The following WSCD1 variants were observed in gnomAD, a reference collection of about 807,000 sequenced individuals.
WSCD1 encodes WSC domain sialate O sulfotransferase 1.
A neutral mutation model predicts 60.4 loss-of-function variants in WSCD1; 41 were observed. That is an observed-to-expected ratio of 0.68 (90% CI 0.53 to 0.88). The LOEUF (loss-of-function observed/expected upper bound fraction) is 0.88, where lower values mean the gene tolerates loss of function less well. Ranked by LOEUF, WSCD1 falls within the 40% of genes least tolerant of loss-of-function variation. WSCD1 has a pLI of 0.00. For synonymous variants in WSCD1, 361 were observed against 332.5 expected, an observed-to-expected ratio of 1.09 and a Z score of -0.93; for missense variants, 784 against 796.2, an observed-to-expected ratio of 0.98 and a Z score of 0.18.
intron 2 of WSCD1, among the ~76,000 whole-genome samples, chr17:6,085,432 T>C (rs1420628690): frequency 6.6e-6 from 1 of 152,178 alleles, no homozygotes; most frequent in Admixed American, 6.5e-5. Flanking sequence ...TGTTACCTTA[T>C]GGAATTTTCA....
chr17:6,119,895 A>G (rs538050611), intron 8 of WSCD1, among the ~76,000 whole-genome samples: 2 of 152,288 alleles, frequency 1.3e-5, no homozygotes, highest in South Asian at 2.1e-4. Flanking sequence ...AATTTGCTGG[A>G]AAAGAAAGCT....
At position 6,120,739 on chromosome 17, in the gene WSCD1, G is replaced by T. The variant is rs1020290896; in HGVS notation, c.*78G>T. ...GCTGCGCTCCCCACTCTGATGCTCA[G>T]GCCCGTGGCCTCACTGGGACGAACG... On this transcript the variant is annotated 3_prime_UTR_variant, in exon 9 of 9. Transcript: ENST00000317744. 6.8e-7 allele frequency: 1 copy of T among 1,464,550 alleles called. No individual in the cohort carries two copies. Among genetic ancestry groups the T allele is most frequent in the African/African-American group, 1.4e-5 (1 of 71,378 alleles). The allele number at this position is 1,464,550 out of a possible 1,614,324, so 90.7% of individuals were successfully genotyped here. A position where few individuals can be genotyped will look rare whatever the true frequency, so the allele number is the denominator to read the frequency against.
intron 5 of WSCD1, among the ~76,000 whole-genome samples, chr17:6,106,840 G>T (rs933415241): frequency 2.6e-5 from 4 of 152,036 alleles, no homozygotes; most frequent in Non-Finnish European, 5.9e-5. Context: ...GAGGGAGAGA[G>T]CTATGAGGGT....
intron 4 of WSCD1, among the ~76,000 whole-genome samples, chr17:6,091,895 G>T (rs776452164): frequency 1.3e-5 from 2 of 152,190 alleles, no homozygotes; most frequent in African/African-American, 2.4e-5. Flanking sequence ...GGTGGCTCAC[G>T]CCTGTAATCC....
intron 1 of WSCD1, among the ~76,000 whole-genome samples, chr17:6,074,891 T>G (rs1908750969): frequency 6.6e-6 from 1 of 152,098 alleles, no homozygotes; most frequent in Non-Finnish European, 1.5e-5. Context: ...GGGGACAGTC[T>G]TTTGGAGAGG....
chr17:6,071,697 G>A (rs1908553931), intron 1 of WSCD1, among the ~76,000 whole-genome samples: 2 of 152,242 alleles, frequency 1.3e-5, no homozygotes, highest in Non-Finnish European at 2.9e-5. Flanking sequence ...AAGTGAGGGT[G>A]GTGGGGAGTG....
Position 6,112,670 on chromosome 17 carries a change from C to T in WSCD1, c.1174+1735C>T, listed in dbSNP as rs540203478. ...TTCCATATACCAATAGTGAACTACC[C>T]GAAAAAGAAATGAAGAAAGCGGTAC... On this transcript the variant is annotated intron_variant, in intron 7 of 8. Transcript: ENST00000317744. Among the ~76,000 whole-genome samples the T allele has an allele frequency of 1.6e-4, 24 of 151,114 alleles. 2 individuals carry two copies. Among genetic ancestry groups the T allele is most frequent in the African/African-American group, 5.6e-4 (23 of 41,106 alleles).
At chr17:6,077,038 G>C (rs1471296582) in intron 1 of WSCD1, among the ~76,000 whole-genome samples, 1 of 151,776 alleles carries the variant, frequency 6.6e-6, no homozygotes, top group Non-Finnish European at 1.5e-5. Flanking sequence ...TGGCTATAAA[G>C]TGTGGTGGAA....
chr17:6,073,218 G>A (rs563168296), intron 1 of WSCD1, among the ~76,000 whole-genome samples: 75 of 152,320 alleles, frequency 4.9e-4, no homozygotes, highest in Middle Eastern at 6.8e-3. Flanking sequence ...AACTCACTCC[G>A]TGGGGTTTCA....
At chr17:6,079,922 C>G (rs1210440696) in intron 1 of WSCD1, among the ~76,000 whole-genome samples, 1 of 152,158 alleles carries the variant, frequency 6.6e-6, no homozygotes, top group East Asian at 1.9e-4. Context: ...AGCTAATATG[C>G]CTTCTTTTGC....
chr17:6,119,382 A>G (rs1904500678), intron 8 of WSCD1, among the ~76,000 whole-genome samples: 2 of 152,250 alleles, frequency 1.3e-5, no homozygotes, highest in African/African-American at 2.4e-5. Context: ...CCCTCGAGGC[A>G]TGCACAGCTG....
At chr17:6,073,517 C>T (rs1908667785) in intron 1 of WSCD1, among the ~76,000 whole-genome samples, 1 of 152,182 alleles carries the variant, frequency 6.6e-6, no homozygotes, top group South Asian at 2.1e-4. Flanking sequence ...GTAATCCCAG[C>T]TACTAGGGAG....
At chr17:6,096,686 T>C (rs1458792304) in intron 5 of WSCD1, among the ~76,000 whole-genome samples, 2 of 152,192 alleles carry the variant, frequency 1.3e-5, no homozygotes. Context: ...CTCCTCCTCA[T>C]GGGAGCAGAG....
chr17:6,098,772 G>A (rs184911713), intron 5 of WSCD1, among the ~76,000 whole-genome samples: 28 of 152,202 alleles, frequency 1.8e-4, no homozygotes, highest in South Asian at 6.2e-4. Context: ...TATTGGCAGC[G>A]CATATTTAGT....
intron 2 of WSCD1, among the ~76,000 whole-genome samples, chr17:6,083,725 G>A (rs1909432894): frequency 6.6e-6 from 1 of 152,212 alleles, no homozygotes; most frequent in Non-Finnish European, 1.5e-5. Flanking sequence ...GTTGCAGTGA[G>A]CCGAGATCGC....
At chr17:6,072,668 C>T (rs977586813) in intron 1 of WSCD1, among the ~76,000 whole-genome samples, 1 of 152,234 alleles carries the variant, frequency 6.6e-6, no homozygotes, top group African/African-American at 2.4e-5. Flanking sequence ...GAGCTGGGCC[C>T]TAACATCCAG....
In WSCD1 at chr17:6,098,595, TCA is replaced by T. The variant is rs1429278807; in HGVS notation, c.849+3375_849+3376del. Among the ~76,000 whole-genome samples, 3 of 152,178 alleles carry T rather than the reference TCA, an allele frequency of 2.0e-5. No individual in the cohort carries two copies. In the East Asian group the frequency reaches 5.8e-4, roughly 29 times the overall value. ...CAGAAACAGCCTCTGTCCTCAGCAC[TCA>T]CAACACTGGAGCCAGTGCTGACACC... On this transcript the variant is annotated intron_variant, in intron 5 of 8. Transcript: ENST00000317744.
intron 1 of WSCD1, among the ~76,000 whole-genome samples, chr17:6,078,537 C>T (rs1240173789): frequency 3.9e-5 from 6 of 151,960 alleles, no homozygotes; most frequent in South Asian, 2.1e-4. Flanking sequence ...TTCCGGTTCC[C>T]GGTGGCTCTG....
intron 2 of WSCD1, among the ~76,000 whole-genome samples, chr17:6,085,725 T>C (rs1317575203): frequency 6.6e-6 from 1 of 152,238 alleles, no homozygotes; most frequent in Admixed American, 6.5e-5. Flanking sequence ...GAGCTTATGC[T>C]TTGGCTGTTT....
Sources: allele counts gnomAD v4.1 joint callset (sites outside exome capture counted in the v4.1 genomes callset), GRCh38; gene constraint gnomAD v4.1.1; transcripts MANE v1.5; gene names NCBI Gene and HGNC (gene_info 2026-07-23, HGNC 2026-07-21).